ZNF853: variants seen among roughly 807,000 people sequenced by gnomAD.
ZNF853 encodes the protein zinc finger protein 853.
Under a neutral mutation model 94.7 loss-of-function variants are expected in ZNF853, and 57 were observed. The observed-to-expected ratio is 0.60, with a 90% CI of 0.49 to 0.75. The LOEUF is 0.75. Ranked by LOEUF, ZNF853 falls within the 30% of genes least tolerant of loss-of-function variation. The pLI is 0.00. For synonymous variants in ZNF853, 448 were observed against 406.3 expected, an observed-to-expected ratio of 1.10 and a Z score of -1.23; for missense variants, 785 against 868.9, an observed-to-expected ratio of 0.90 and a Z score of 1.21.
At chr7:6,619,312 G>T in intron 2 of ZNF853, among the ~76,000 whole-genome samples, 1 of 151,672 alleles carries the variant, frequency 6.6e-6, no homozygotes, top group Non-Finnish European at 1.5e-5. Flanking sequence ...TTGCTCTGTC[G>T]CTGGGCTGGA....
In ZNF853 at chr7:6,622,581, G is replaced by T; in HGVS notation, c.1590G>T (p.Thr530=). The T allele has an allele frequency of 1.3e-6, 2 of 1,574,088 alleles. No homozygotes were observed. The highest frequency in any genetic ancestry group is 8.6e-7 in the Non-Finnish European group (1 of 1,160,862). Residue 530 remains threonine, a synonymous_variant, in exon 3 of 3, where the codon ACG becomes ACT. Coordinates refer to ENST00000457543, the MANE Select transcript of ZNF853 (RefSeq NM_017560.3). ...KGFSQHSNLV[T]HQRIHTGEKP... ...TCTCGCAGCACTCGAATCTGGTGACGCACCAACGCATCCACACGGGCGAGA... is the reference window on the plus strand; with the variant it reads ...TCTCGCAGCACTCGAATCTGGTGACTCACCAACGCATCCACACGGGCGAGA...
Position 6,622,096 on chromosome 7 carries a change from G to GAGCAACAGCTGGAGCAGCAGC in ZNF853, c.1110_1130dup (p.Gln376_Gln382dup). ...ACTGCAGGAGGAGCTGCAGCAGCTG[G>GAGCAACAGCTGGAGCAGCAGC]AGCAACAGCTGGAGCAGCAGCAGCA... On this transcript the variant is annotated inframe_insertion, in exon 3 of 3. Coordinates refer to ENST00000457543, the MANE Select transcript of ZNF853 (RefSeq NM_017560.3). 1 of 1,545,704 alleles carries GAGCAACAGCTGGAGCAGCAGC rather than the reference G, an allele frequency of 6.5e-7. No homozygotes were observed.
At chr7:6,616,408 C>T in intron 1 of ZNF853, among the ~76,000 whole-genome samples, 3 of 152,172 alleles carry the variant, frequency 2.0e-5, no homozygotes, top group African/African-American at 7.2e-5. Context: ...CACACGTGGC[C>T]TGCTGGCGGC....
In ZNF853 at chr7:6,621,721, C is replaced by A. The variant is rs1256349737; in HGVS notation, c.730C>A (p.Leu244Met). 4 of 1,551,010 alleles carry A rather than the reference C, an allele frequency of 2.6e-6. No individual in the cohort carries two copies. In the South Asian group the frequency reaches 3.6e-5, roughly 14 times the overall value. The change falls in exon 3 of 3, where the codon CTG becomes ATG. Residue 244 changes from leucine (L) to methionine (M), a missense_variant. Coordinates refer to ENST00000457543, the MANE Select transcript of ZNF853 (RefSeq NM_017560.3). ...QLQQQQQLLL[L>M]QQQGQLQQQL... Reference sequence around the variant, plus strand: ...ACAGCAGCAGCAGCAGCTACTATTGCTGCAGCAGCAGGGACAGTTACAGCA... The same window carrying A: ...ACAGCAGCAGCAGCAGCTACTATTGATGCAGCAGCAGGGACAGTTACAGCA...
chr7:6,619,037 T>G, intron 2 of ZNF853, among the ~76,000 whole-genome samples: 561 of 27,062 alleles, frequency 0.021, 4 homozygotes, highest in African/African-American at 0.11. Flanking sequence ...GGTGGATTTT[T>G]TTTTTTTTTT....
chr7:6,620,519 C>G, intron 2 of ZNF853, among the ~76,000 whole-genome samples: 5 of 152,136 alleles, frequency 3.3e-5, no homozygotes, highest in African/African-American at 4.8e-5. Flanking sequence ...GATCAGGGAG[C>G]TGGGGTCCAG....
In ZNF853 at chr7:6,621,245, G is replaced by A; in HGVS notation, c.254G>A (p.Gly85Glu). The A allele has an allele frequency of 6.5e-7, 1 of 1,548,754 alleles. No individual in the cohort carries two copies. Among genetic ancestry groups the A allele is most frequent in the South Asian group, 1.2e-5 (1 of 83,770 alleles). The change falls in exon 3 of 3, where the codon GGA (glycine) becomes GAA (glutamate). Residue 85 changes from glycine (G) to glutamate (E), a missense_variant. Coordinates refer to ENST00000457543, the MANE Select transcript of ZNF853 (RefSeq NM_017560.3). Reference protein sequence around the residue: ...ASEIAEETRPGQRELQLQQLE... With the variant: ...ASEIAEETRPEQRELQLQQLE... ...GAAATCGCTGAGGAAACCCGGCCGG[G>A]ACAACGAGAGTTGCAACTGCAGCAG...
chr7:6,619,909 C>T, intron 2 of ZNF853, among the ~76,000 whole-genome samples: 9 of 152,204 alleles, frequency 5.9e-5, no homozygotes, highest in Non-Finnish European at 1.0e-4. Context: ...TGAGCCACCA[C>T]GCCCAGCCTA....
rs2115292437 is a variant in ZNF853 at position 6,622,903 on chromosome 7, G to C, written c.1912G>C (p.Ala638Pro). 8.0e-7 allele frequency: 1 copy of C among 1,245,898 alleles called. No individual in the cohort carries two copies. Among genetic ancestry groups the C allele is most frequent in the Non-Finnish European group, 1.0e-6 (1 of 995,916 alleles). The allele number at this position is 1,245,898 out of a possible 1,614,324, so 77.2% of individuals were successfully genotyped here. ...LGLLRASRPAALGGPARAEQA... is the reference protein window; with the variant it reads ...LGLLRASRPAPLGGPARAEQA... ...CCTGCTGCGCGCCTCGCGGCCGGCG[G>C]CCCTCGGTGGCCCAGCCCGCGCGGA... The change falls in exon 3 of 3, where the codon GCC becomes CCC. Residue 638 changes from alanine to proline, a missense_variant. Ala to Pro is a conservative substitution (Grantham distance 27). Coordinates refer to ENST00000457543, the MANE Select transcript of ZNF853 (RefSeq NM_017560.3).
At chr7:6,617,548 G>A in intron 2 of ZNF853, 9 of 971,786 alleles carry the variant, frequency 9.3e-6, no homozygotes, top group African/African-American at 1.8e-5. Flanking sequence ...ACTCACACGC[G>A]CTGCTGGCTG....
rs772758311 is a variant in ZNF853 at position 6,621,917 on chromosome 7, C to T, written c.926C>T (p.Pro309Leu). The T allele has an allele frequency of 1.4e-5, 22 of 1,551,130 alleles. No homozygotes were observed. In the South Asian group the frequency reaches 2.6e-4, roughly 18 times the overall value. Residue 309 changes from proline (P) to leucine (L), a missense_variant, in exon 3 of 3, where the codon CCT becomes CTT. Coordinates refer to ENST00000457543, the MANE Select transcript of ZNF853 (RefSeq NM_017560.3). ...QEQLQQQQLQ[P>L]PPLEPEEEEE... ...CAATTGCAGCAGCAACAACTGCAGC[C>T]TCCTCCCCTGGAGCCCGAGGAGGAG...
chr7:6,621,683 A>G lies in ZNF853; in HGVS notation c.692A>G (p.Gln231Arg), dbSNP rs1370818866. ...TTACAGCAGCAACAGTTTCAACAGC[A>G]GCAGGAACAGTTACAGCAGCAGCAG... ...EQLQQQQFQQ[Q>R]QEQLQQQQQL... The change falls in exon 3 of 3, where the codon CAG becomes CGG. Residue 231 changes from glutamine to arginine, a missense_variant. By Grantham distance (43) the Gln-to-Arg change is conservative. Coordinates refer to ENST00000457543, the MANE Select transcript of ZNF853 (RefSeq NM_017560.3). 6.4e-7 allele frequency: 1 copy of G among 1,551,574 alleles called. No homozygotes were observed.
intron 2 of ZNF853, 80 bp downstream of exon 2, chr7:6,617,387 C>T: frequency 4.3e-6 from 5 of 1,159,212 alleles, no homozygotes; most frequent in Admixed American, 3.1e-5. Context: ...TGGCGGGCAG[C>T]CTGCACAGAC....
At position 6,617,421 on chromosome 7, in the gene ZNF853, A is replaced by G; in HGVS notation, c.130+114A>G. On this transcript the variant is annotated intron_variant, in intron 2 of 2. Transcript: ENST00000457543. ...ACTCACACCAGCCAACCTCAGCTGC[A>G]TTGAGTAACACCAGCAGCTCTCCCT... is the stretch of plus-strand genomic sequence containing the variant. 1.1e-5 allele frequency: 10 copies of G among 948,518 alleles called. No individual in the cohort carries two copies. In the South Asian group the frequency reaches 2.0e-4, roughly 19 times the overall value. The allele number at this position is 948,518 out of a possible 1,614,324, so 58.8% of individuals were successfully genotyped here.
intron 1 of ZNF853, among the ~76,000 whole-genome samples, chr7:6,616,910 C>G: frequency 6.6e-6 from 1 of 152,096 alleles, no homozygotes; most frequent in African/African-American, 2.4e-5. Flanking sequence ...TGGGGCTACC[C>G]CACTCTCCAT....
rs1374211409 is a variant in ZNF853 at position 6,621,158 on chromosome 7, A to T, written c.167A>T (p.Glu56Val). ...SGGSESQEEE[E>V]PQERNSSPQR... ...GGGAGCGAGAGTCAGGAGGAGGAAG[A>T]GCCTCAGGAGAGGAACAGCAGTCCA... Residue 56 changes from glutamate (E) to valine (V), a missense_variant, in exon 3 of 3, where the codon GAG becomes GTG. Transcript: ENST00000457543. 3 of 1,470,062 alleles carry T rather than the reference A, an allele frequency of 2.0e-6. No homozygotes were observed. The highest frequency in any genetic ancestry group is 2.9e-5 in the African/African-American group (2 of 70,080). 91.1% of individuals were successfully genotyped at this position (1,470,062 alleles called of 1,614,324 possible).
At position 6,622,048 on chromosome 7, in the gene ZNF853, G is replaced by A; in HGVS notation, c.1057G>A (p.Glu353Lys). 3 of 1,547,924 alleles carry A rather than the reference G, an allele frequency of 1.9e-6. No homozygotes were observed. Among genetic ancestry groups the A allele is most frequent in the Non-Finnish European group, 1.7e-6 (2 of 1,146,366 alleles). The stretch of plus-strand genomic sequence containing the variant: ...GCAGCAGGAGCTGGAACGGCAGCAG[G>A]AGCAGCGGCAGCTGCAGCTCAAACT... ...ERQQELERQQEQRQLQLKLQE... is the reference protein window; with the variant it reads ...ERQQELERQQKQRQLQLKLQE... Residue 353 changes from glutamate to lysine, a missense_variant, in exon 3 of 3, where the codon GAG (glutamate) becomes AAG (lysine). Physicochemically the swap from Glu to Lys is moderately conservative, Grantham distance 56. Coordinates refer to ENST00000457543, the MANE Select transcript of ZNF853 (RefSeq NM_017560.3).
intron 2 of ZNF853, among the ~76,000 whole-genome samples, chr7:6,619,537 T>A: frequency 6.6e-6 from 1 of 152,234 alleles, no homozygotes; most frequent in East Asian, 1.9e-4. Context: ...CCCAAAGTGC[T>A]GGGATTATAG....
Position 6,624,106 on chromosome 7 carries a change from G to A in ZNF853, c.*1135G>A, listed in dbSNP as rs1263818375. The A allele has an allele frequency of 3.3e-5, 5 of 152,212 alleles. No homozygotes were observed. Among genetic ancestry groups the A allele is most frequent in the African/African-American group, 1.2e-4 (5 of 41,450 alleles). The allele number at this position is 152,212 out of a possible 1,614,324, so 9.4% of individuals were successfully genotyped here. On this transcript the variant is annotated 3_prime_UTR_variant, in exon 3 of 3. Transcript: ENST00000457543. ...CCTTGTGGGAAGGTGGGGCAGGGAG[G>A]AGGCTGCCCGCCACCTCTGCCCCCA...
Sources: allele counts gnomAD v4.1 joint callset (sites outside exome capture counted in the v4.1 genomes callset), GRCh38; gene constraint gnomAD v4.1.1; transcripts MANE v1.5; gene names NCBI Gene and HGNC (gene_info 2026-07-23, HGNC 2026-07-21).